PTPRD: variants seen among roughly 807,000 people sequenced by gnomAD.
The protein encoded by PTPRD is receptor-type tyrosine-protein phosphatase delta.
A neutral mutation model predicts 214.5 loss-of-function variants in PTPRD; 34 were observed. The observed-to-expected ratio is 0.16, with a 90% CI of 0.12 to 0.21. PTPRD has a LOEUF of 0.21. Among genes scored for constraint, PTPRD ranks in the 10% least tolerant of loss-of-function variants. The pLI is 1.00. For synonymous variants in PTPRD, 1,128 were observed against 845.7 expected (o/e 1.33, Z -5.79); for missense variants, 2,545 against 2,398.7 (o/e 1.06, Z -1.27).
intron 10 of PTPRD, among the ~76,000 whole-genome samples, chr9:9,053,529 T>C (rs1230590256): frequency 2.0e-5 from 3 of 152,076 alleles, no homozygotes; most frequent in Admixed American, 6.6e-5. Context: ...AAGATACTTA[T>C]ACAAAATTAG....
At chr9:8,942,334 T>A (rs1225556287) in intron 11 of PTPRD, among the ~76,000 whole-genome samples, 1 of 152,198 alleles carries the variant, frequency 6.6e-6, no homozygotes, top group Non-Finnish European at 1.5e-5. Flanking sequence ...ATGCAAGTTA[T>A]CACTTTTGGC....
chr9:8,873,535 C>T lies in PTPRD; in HGVS notation c.-103-139589G>A, dbSNP rs1016320027. 2.6e-5 allele frequency among the ~76,000 whole-genome samples: 4 copies of T among 152,002 alleles called. No individual in the cohort carries two copies. In the South Asian group the frequency reaches 8.3e-4, roughly 32 times the overall value. On this transcript the variant is annotated intron_variant, in intron 11 of 45. Coordinates refer to ENST00000381196, the MANE Select transcript of PTPRD (RefSeq NM_002839.4). ...AACTTTATTTTTTTTTAACCAAGTT[C>T]CCTAAGAGCTAGAAAGTTTTGACTT...
At chr9:9,902,409 T>G (rs1304117327) in intron 5 of PTPRD, among the ~76,000 whole-genome samples, 6 of 152,176 alleles carry the variant, frequency 3.9e-5, no homozygotes, top group Non-Finnish European at 8.8e-5. Context: ...AGTTTCTTTT[T>G]CTGCCGGTGC....
At chr9:9,099,172 A>G (rs2099787891) in intron 10 of PTPRD, among the ~76,000 whole-genome samples, 1 of 152,226 alleles carries the variant, frequency 6.6e-6, no homozygotes, top group Admixed American at 6.5e-5. Flanking sequence ...AGAGCAGGCC[A>G]TGTACACATT....
intron 11 of PTPRD, among the ~76,000 whole-genome samples, chr9:8,936,648 A>C (rs1372101733): frequency 1.3e-5 from 2 of 152,136 alleles, no homozygotes. Context: ...CTACATAGGA[A>C]TGAAAATGCT....
At chr9:9,134,921 C>T (rs995382191) in intron 10 of PTPRD, among the ~76,000 whole-genome samples, 2 of 152,088 alleles carry the variant, frequency 1.3e-5, no homozygotes, top group African/African-American at 4.8e-5. Context: ...AGTTATGTCA[C>T]AGGATGTAAT....
chr9:9,883,354 G>C (rs2069506518), intron 5 of PTPRD, among the ~76,000 whole-genome samples: 2 of 152,002 alleles, frequency 1.3e-5, no homozygotes, highest in African/African-American at 4.8e-5. Flanking sequence ...TTATTTATAA[G>C]TAGAACAGGC....
At chr9:8,735,009 C>T (rs1383378365) in intron 11 of PTPRD, among the ~76,000 whole-genome samples, 1 of 152,072 alleles carries the variant, frequency 6.6e-6, no homozygotes, top group Middle Eastern at 3.2e-3. Flanking sequence ...ATAGGGCCTC[C>T]CAAAGGTCAG....
chr9:9,700,318 T>C lies in PTPRD; in HGVS notation c.-287+34215A>G, dbSNP rs138162207. ...TTTATTTTCTTAGACATTCTGGCAG[T>C]ATTAGAGAAATAAGTATTTTGAGTG... is the stretch of plus-strand genomic sequence containing the variant. On this transcript the variant is annotated intron_variant, in intron 7 of 45. Coordinates refer to ENST00000381196, the MANE Select transcript of PTPRD (RefSeq NM_002839.4). Among the ~76,000 whole-genome samples the C allele has an allele frequency of 1.4e-3, 208 of 152,248 alleles. 7 individuals carry two copies. The East Asian group carries it at 0.033, about 24-fold the overall frequency.
chr9:10,427,240 G>A (rs1434037128), intron 2 of PTPRD, among the ~76,000 whole-genome samples: 1 of 151,990 alleles, frequency 6.6e-6, no homozygotes, highest in African/African-American at 2.4e-5. Context: ...TTTTTTCTAT[G>A]AATAACTTCC....
chr9:8,799,678 C>G (rs955736839), intron 11 of PTPRD, among the ~76,000 whole-genome samples: 1 of 152,126 alleles, frequency 6.6e-6, no homozygotes, highest in African/African-American at 2.4e-5. Flanking sequence ...GATGGTATAG[C>G]AGATGTAGCC....
intron 7 of PTPRD, among the ~76,000 whole-genome samples, chr9:9,635,551 G>A (rs975508211): frequency 5.3e-5 from 8 of 152,172 alleles, no homozygotes; most frequent in Non-Finnish European, 1.0e-4. Flanking sequence ...TACAGCTGAA[G>A]AAAGCCATTG....
intron 43 of PTPRD, among the ~76,000 whole-genome samples, chr9:8,332,687 TCTAGAAGTA>T (rs762638897): frequency 4.3e-4 from 65 of 152,252 alleles, no homozygotes; most frequent in Middle Eastern, 3.4e-3. Flanking sequence ...TTAAGGTGTT[TCTAGAAGTA>T]CAAGAAAAGT....
chr9:8,987,768 T>C (rs1297488605), intron 11 of PTPRD, among the ~76,000 whole-genome samples: 1 of 151,942 alleles, frequency 6.6e-6, no homozygotes, highest in Admixed American at 6.6e-5. Context: ...CAGAGAGAAG[T>C]TGAAAGGAAG....
At chr9:9,474,094 T>C (rs897735900) in intron 8 of PTPRD, among the ~76,000 whole-genome samples, 1 of 152,092 alleles carries the variant, frequency 6.6e-6, no homozygotes, top group Non-Finnish European at 1.5e-5. Context: ...TAGACTTGGG[T>C]CTTAGTTTAA....
At chr9:9,705,168 G>C (rs1335137443) in intron 7 of PTPRD, among the ~76,000 whole-genome samples, 1 of 152,122 alleles carries the variant, frequency 6.6e-6, no homozygotes, top group African/African-American at 2.4e-5. Flanking sequence ...ATACAATTCA[G>C]TATATATTCA....
At chr9:9,791,204 T>C (rs2098964869) in intron 5 of PTPRD, among the ~76,000 whole-genome samples, 1 of 152,158 alleles carries the variant, frequency 6.6e-6, no homozygotes, top group Non-Finnish European at 1.5e-5. Context: ...AAGATTTTAG[T>C]TTAGTTATAT....
intron 2 of PTPRD, among the ~76,000 whole-genome samples, chr9:10,450,093 A>G (rs1293534765): frequency 6.6e-6 from 1 of 151,798 alleles, no homozygotes; most frequent in Non-Finnish European, 1.5e-5. Context: ...ACCCAGGGAC[A>G]CAAACACTGC....
In PTPRD at chr9:9,233,007, T is replaced by C. The variant is rs113070079; in HGVS notation, c.-202-49644A>G. Reference sequence around the variant, plus strand: ...AATTCTCTAACCCAACCTTGTCCAATAATAGCTCTTAAGACCCTTATACCA... The same window carrying C: ...AATTCTCTAACCCAACCTTGTCCAACAATAGCTCTTAAGACCCTTATACCA... On this transcript the variant is annotated intron_variant, in intron 9 of 45. Coordinates refer to ENST00000381196, the MANE Select transcript of PTPRD (RefSeq NM_002839.4). Among the ~76,000 whole-genome samples, 273 of 152,254 alleles carry C rather than the reference T, an allele frequency of 1.8e-3. 1 individual carries two copies. The highest frequency in any genetic ancestry group is 6.1e-3 in the African/African-American group (255 of 41,548).
Sources: allele counts gnomAD v4.1 joint callset (sites outside exome capture counted in the v4.1 genomes callset), GRCh38; gene constraint gnomAD v4.1.1; transcripts MANE v1.5; gene names NCBI Gene and HGNC (gene_info 2026-07-23, HGNC 2026-07-21).